Variants in SUSD6 observed in about 807,000 individuals in gnomAD.
The protein encoded by SUSD6 is sushi domain-containing protein 6.
Under a neutral mutation model 28.4 loss-of-function variants are expected in SUSD6, and 16 were observed. The observed-to-expected ratio is 0.56, with a 90% CI of 0.38 to 0.86. The LOEUF is 0.86. SUSD6 is among the 40% of genes least tolerant of loss of function. The pLI is 0.00. For synonymous variants in SUSD6, 147 were observed against 159.6 expected, an observed-to-expected ratio of 0.92 and a Z score of 0.59; for missense variants, 341 against 384.2, an observed-to-expected ratio of 0.89 and a Z score of 0.94.
At chr14:69,619,332 T>C (rs1885001981) in intron 1 of SUSD6, among the ~76,000 whole-genome samples, 1 of 152,278 alleles carries the variant, frequency 6.6e-6, no homozygotes, top group Non-Finnish European at 1.5e-5. Flanking sequence ...AGGGCTGCTC[T>C]GCCTATGGAG....
intron 1 of SUSD6, among the ~76,000 whole-genome samples, chr14:69,655,640 G>GAA (rs796133613): frequency 7.2e-6 from 1 of 139,512 alleles, no homozygotes; most frequent in Non-Finnish European, 1.6e-5. Flanking sequence ...CTCTTTAAAA[G>GAA]AAAAAAAAAA....
chr14:69,688,655 A>G (rs1399690182), intron 2 of SUSD6, among the ~76,000 whole-genome samples: 2 of 152,162 alleles, frequency 1.3e-5, no homozygotes, highest in Admixed American at 6.5e-5. Flanking sequence ...AGCATGATGA[A>G]TCTGCACTGG....
At chr14:69,620,699 A>T (rs1165467593) in intron 1 of SUSD6, among the ~76,000 whole-genome samples, 5 of 152,198 alleles carry the variant, frequency 3.3e-5, no homozygotes, top group Admixed American at 3.3e-4. Context: ...TAAATAAATG[A>T]ATTGTCTTTC....
At chr14:69,678,729 G>A (rs996763119) in intron 2 of SUSD6, among the ~76,000 whole-genome samples, 5 of 152,244 alleles carry the variant, frequency 3.3e-5, no homozygotes, top group Admixed American at 1.3e-4. Flanking sequence ...CTTGAGTCCC[G>A]GAGGCCAAGG....
At chr14:69,635,572 G>T (rs1472365949) in intron 1 of SUSD6, among the ~76,000 whole-genome samples, 1 of 145,494 alleles carries the variant, frequency 6.9e-6, no homozygotes, top group African/African-American at 2.6e-5. Flanking sequence ...CATCTCCTCT[G>T]CCCCCACTCC....
chr14:69,698,318 G>A (rs1178621727), intron 2 of SUSD6, among the ~76,000 whole-genome samples: 2 of 152,126 alleles, frequency 1.3e-5, no homozygotes, highest in East Asian at 3.9e-4. Context: ...AGGGGACAGG[G>A]CGAGACTCAT....
intron 1 of SUSD6, among the ~76,000 whole-genome samples, chr14:69,640,088 C>T (rs1445626608): frequency 6.7e-6 from 1 of 149,248 alleles, no homozygotes; most frequent in Non-Finnish European, 1.5e-5. Context: ...AGGGAGGAAC[C>T]ACGAAACTAT....
intron 1 of SUSD6, among the ~76,000 whole-genome samples, chr14:69,653,179 G>C (rs1885528123): frequency 6.6e-6 from 1 of 152,114 alleles, no homozygotes; most frequent in Non-Finnish European, 1.5e-5. Flanking sequence ...CATTCAGTAG[G>C]GCAGTCACCC....
intron 2 of SUSD6, among the ~76,000 whole-genome samples, chr14:69,669,726 A>G (rs74060263): frequency 0.028 from 4,223 of 152,254 alleles, 205 homozygotes; most frequent in African/African-American, 0.096. Context: ...TCAAAGTCCA[A>G]CTTAGCTTCT....
intron 2 of SUSD6, among the ~76,000 whole-genome samples, chr14:69,675,995 C>T (rs1348952949): frequency 6.6e-6 from 1 of 152,160 alleles, no homozygotes; most frequent in African/African-American, 2.4e-5. Context: ...AGTATGACTT[C>T]AACCACTTAA....
chr14:69,704,830 C>T (rs1886364943), intron 4 of SUSD6, 88 bp downstream of exon 4: 4 of 1,443,142 alleles, frequency 2.8e-6, no homozygotes, highest in Admixed American at 3.7e-5. Context: ...GCTGGTGGCC[C>T]CAATCTCTGT....
intron 1 of SUSD6, among the ~76,000 whole-genome samples, chr14:69,622,822 G>C (rs2076477224): frequency 6.6e-6 from 1 of 152,284 alleles, no homozygotes; most frequent in Non-Finnish European, 1.5e-5. Context: ...TCGAACTCCT[G>C]ACCACAAGTG....
intron 2 of SUSD6, among the ~76,000 whole-genome samples, chr14:69,686,319 CT>C (rs1198200192): frequency 1.3e-5 from 2 of 152,048 alleles, no homozygotes; most frequent in Non-Finnish European, 2.9e-5. Context: ...TCTTTTTTGG[CT>C]TTCTGAGTTG....
At chr14:69,638,808 AG>A (rs1167467097) in intron 1 of SUSD6, among the ~76,000 whole-genome samples, 4 of 152,196 alleles carry the variant, frequency 2.6e-5, no homozygotes, top group Admixed American at 2.0e-4. Context: ...GACAGGGGCT[AG>A]TCAGGACTTG....
intron 1 of SUSD6, among the ~76,000 whole-genome samples, chr14:69,615,996 G>A (rs754068030): frequency 1.8e-4 from 28 of 151,978 alleles, no homozygotes; most frequent in African/African-American, 5.6e-4. Flanking sequence ...TGTACTCCCC[G>A]CTCCTACACA....
rs141887390 is a variant in SUSD6, at chr14:69,653,141, G to T, written c.-80-5372G>T. ...TTTCTTCCTCATTGGAGGAACTTAC[G>T]GACAGGAAGTGAGTGTCCACGACAT... On this transcript the variant is annotated intron_variant, in intron 1 of 5. Transcript: ENST00000342745. Among the ~76,000 whole-genome samples the T allele has an allele frequency of 8.5e-5, 13 of 152,250 alleles. 1 individual carries two copies. The East Asian group carries it at 2.1e-3, about 25-fold the overall frequency.
At chr14:69,655,035 C>T (rs996099729) in intron 1 of SUSD6, among the ~76,000 whole-genome samples, 1 of 152,008 alleles carries the variant, frequency 6.6e-6, no homozygotes, top group Admixed American at 6.5e-5. Context: ...CCTTGTGATC[C>T]ACCCGCCTCG....
At chr14:69,672,114 A>G (rs1350370558) in intron 2 of SUSD6, among the ~76,000 whole-genome samples, 2 of 152,188 alleles carry the variant, frequency 1.3e-5, no homozygotes, top group Non-Finnish European at 2.9e-5. Flanking sequence ...TTAATCCACC[A>G]TCCATCCCTG....
rs982919643 is a variant in SUSD6, at chr14:69,711,241, G to A, written c.*262G>A. On this transcript the variant is annotated 3_prime_UTR_variant, in exon 6 of 6. Transcript: ENST00000342745. The stretch of plus-strand genomic sequence containing the variant: ...CCATCTGTCAGAGACATATTTGAAT[G>A]TGCTGGATCAAACCCTCCCTTTTCC... 1 of 541,172 alleles carries A rather than the reference G, an allele frequency of 1.8e-6. No individual in the cohort carries two copies. Among genetic ancestry groups the A allele is most frequent in the South Asian group, 2.3e-5 (1 of 43,626 alleles). The allele number at this position is 541,172 out of a possible 1,614,324, so 33.5% of individuals were successfully genotyped here. A position where few individuals can be genotyped will look rare whatever the true frequency, so the allele number is the denominator to read the frequency against.
Sources: gnomAD v4.1 joint callset for allele counts (sites outside exome capture counted in the v4.1 genomes callset) on GRCh38, gnomAD v4.1.1 for gene constraint, MANE v1.5 for transcripts, NCBI Gene and HGNC (gene_info 2026-07-23, HGNC 2026-07-21) for gene names.